Variants in EPM2A observed in about 807,000 individuals in gnomAD.
The protein encoded by EPM2A is laforin.
Under a neutral mutation model 26.5 loss-of-function variants are expected in EPM2A, and 21 were observed. That is an observed-to-expected ratio of 0.79 (90% CI 0.56 to 1.14). The LOEUF is 1.14. EPM2A is among the 50% of genes most tolerant of loss of function. The probability of loss-of-function intolerance (pLI) is 0.00; values close to 1 mark genes in which losing one functional copy is unlikely to be tolerated. For missense variants in EPM2A, 458 were observed against 440.8 expected (o/e 1.04, Z -0.35); for synonymous variants, 217 against 177.6 (o/e 1.22, Z -1.76).
intron 2 of EPM2A, among the ~76,000 whole-genome samples, chr6:145,530,146 A>T (rs1780334127): frequency 6.6e-6 from 1 of 152,154 alleles, no homozygotes; most frequent in Non-Finnish European, 1.5e-5. Context: ...ACAGTAGCTG[A>T]GGATATCAGC....
chr6:145,675,458 G>T (rs1009085810), intron 2 of EPM2A, among the ~76,000 whole-genome samples: 1 of 152,094 alleles, frequency 6.6e-6, no homozygotes, highest in African/African-American at 2.4e-5. Context: ...ATGTAAATGG[G>T]CTAAATGCCT....
intron 2 of EPM2A, among the ~76,000 whole-genome samples, chr6:145,514,327 C>T (rs778204331): frequency 6.6e-6 from 1 of 152,140 alleles, no homozygotes; most frequent in Middle Eastern, 3.4e-3. Flanking sequence ...GACGTGAGCT[C>T]AGAGTCAAAG....
At chr6:145,672,173 G>C (rs1314593871) in intron 2 of EPM2A, among the ~76,000 whole-genome samples, 1 of 152,126 alleles carries the variant, frequency 6.6e-6, no homozygotes, top group Non-Finnish European at 1.5e-5. Context: ...CATAGTACAA[G>C]CTAAATGTGG....
chr6:145,444,202 C>A (rs767038326), intron 4 of EPM2A, among the ~76,000 whole-genome samples: 3 of 152,162 alleles, frequency 2.0e-5, no homozygotes, highest in Non-Finnish European at 4.4e-5. Context: ...ATGCTTCCAG[C>A]TTTTGCCCAT....
chr6:145,580,142 T>G (rs1467228867), intron 2 of EPM2A, among the ~76,000 whole-genome samples: 1 of 152,196 alleles, frequency 6.6e-6, no homozygotes, highest in Non-Finnish European at 1.5e-5. Context: ...CATTTCTTGT[T>G]TCTCTGATTA....
At chr6:145,595,072 A>G (rs200627374) in intron 2 of EPM2A, among the ~76,000 whole-genome samples, 1 of 151,688 alleles carries the variant, frequency 6.6e-6, no homozygotes, top group East Asian at 1.9e-4. Context: ...AGTCCTTTGT[A>G]ATCTGGAATT....
intron 2 of EPM2A, among the ~76,000 whole-genome samples, chr6:145,641,705 G>A (rs1777097183): frequency 6.6e-6 from 1 of 152,106 alleles, no homozygotes; most frequent in Non-Finnish European, 1.5e-5. Context: ...TTTGATGGTA[G>A]TTCCCAAATG....
chr6:145,515,809 G>A lies in EPM2A; in HGVS notation c.341-13234C>T, dbSNP rs569147779. Among the ~76,000 whole-genome samples the A allele has an allele frequency of 5.3e-5, 8 of 152,312 alleles. No homozygotes were observed. In the South Asian group the frequency reaches 1.7e-3, roughly 32 times the overall value. On this transcript the variant is annotated intron_variant, in intron 2 of 3. Transcript: ENST00000450221. Reference sequence around the variant, plus strand: ...CAGTCCACAGGTTCAAGCCCTTTGTGTGAAGGGAATACAGGTCACCTTGCG... The same window carrying A: ...CAGTCCACAGGTTCAAGCCCTTTGTATGAAGGGAATACAGGTCACCTTGCG...
Position 145,474,803 on chromosome 6 carries a change from G to A in EPM2A, c.555+27719C>T, listed in dbSNP as rs191877610. Reference sequence around the variant, plus strand: ...AAACAAACAACCTCATCAAAAAGTGGGCAAAGGATATGAACAGACACTTCT... The same window carrying A: ...AAACAAACAACCTCATCAAAAAGTGAGCAAAGGATATGAACAGACACTTCT... On this transcript the variant is annotated intron_variant, in intron 4 of 4. Transcript: ENST00000638717. 1.8e-3 allele frequency among the ~76,000 whole-genome samples: 271 copies of A among 152,082 alleles called. 1 individual carries two copies. Among genetic ancestry groups the A allele is most frequent in the African/African-American group, 6.2e-3 (258 of 41,506 alleles).
At chr6:145,493,335 T>A (rs1246980365) in intron 4 of EPM2A, among the ~76,000 whole-genome samples, 1 of 152,240 alleles carries the variant, frequency 6.6e-6, no homozygotes, top group Non-Finnish European at 1.5e-5. Flanking sequence ...ACACATTGAT[T>A]CTGTATCCTG....
intron 1 of EPM2A, among the ~76,000 whole-genome samples, chr6:145,698,838 GA>G (rs1285987922): frequency 1.3e-5 from 2 of 151,932 alleles, no homozygotes; most frequent in East Asian, 3.9e-4. Flanking sequence ...CCCATAAGAG[GA>G]AAAAACACCA....
intron 2 of EPM2A, among the ~76,000 whole-genome samples, chr6:145,590,580 A>G (rs1420976190): frequency 6.6e-6 from 1 of 152,112 alleles, no homozygotes; most frequent in Non-Finnish European, 1.5e-5. Flanking sequence ...GGGTCCCTAT[A>G]TAATAATAAT....
At chr6:145,454,795 G>A (rs539452352) in intron 4 of EPM2A, among the ~76,000 whole-genome samples, 1 of 152,126 alleles carries the variant, frequency 6.6e-6, no homozygotes, top group East Asian at 1.9e-4. Flanking sequence ...AGAACACATG[G>A]AACATTCATG....
intron 2 of EPM2A, among the ~76,000 whole-genome samples, chr6:145,586,906 T>C (rs1371586292): frequency 6.6e-6 from 1 of 152,196 alleles, no homozygotes; most frequent in Non-Finnish European, 1.5e-5. Flanking sequence ...TAACTGATGA[T>C]CAATTCTTAT....
intron 4 of EPM2A, among the ~76,000 whole-genome samples, chr6:145,445,107 C>A (rs1779113934): frequency 6.6e-6 from 1 of 152,058 alleles, no homozygotes. Context: ...TATAAGTCTG[C>A]CTTAGCCTTC....
chr6:145,674,148 C>A (rs1379419562), intron 2 of EPM2A, among the ~76,000 whole-genome samples: 1 of 152,168 alleles, frequency 6.6e-6, no homozygotes, highest in Admixed American at 6.5e-5. Context: ...GATAACCAGG[C>A]AAACAGGGTC....
chr6:145,692,625 T>A (rs1222851495), intron 1 of EPM2A, among the ~76,000 whole-genome samples: 2 of 152,074 alleles, frequency 1.3e-5, no homozygotes, highest in African/African-American at 2.4e-5. Context: ...CCAGTTTCAA[T>A]CTTCTGCATA....
chr6:145,706,536 C>T (rs989272007), intron 1 of EPM2A, among the ~76,000 whole-genome samples: 7 of 152,122 alleles, frequency 4.6e-5, no homozygotes, highest in Non-Finnish European at 7.4e-5. Flanking sequence ...GAAGCTCTAA[C>T]GAAAGCCTTT....
In EPM2A at chr6:145,501,895, G is replaced by C. The variant is rs1188395604; in HGVS notation, c.395-48C>G. ...ACAGGTAGAGGTGACAATTGTCATT[G>C]TTATTGTTCTCATTTTACAGATGTG... On this transcript the variant is annotated intron_variant, in intron 3 of 3. Transcript: ENST00000450221. The C allele has an allele frequency of 8.5e-6, 4 of 470,570 alleles. 1 individual carries two copies. The highest frequency in any genetic ancestry group is 6.2e-5 in the South Asian group (4 of 64,488). The allele number at this position is 470,570 out of a possible 1,614,324, so 29.1% of individuals were successfully genotyped here.
Sources: allele counts gnomAD v4.1 joint callset (sites outside exome capture counted in the v4.1 genomes callset), GRCh38; gene constraint gnomAD v4.1.1; transcripts MANE v1.5; gene names NCBI Gene and HGNC (gene_info 2026-07-23, HGNC 2026-07-21).